Variants in MYO10 observed in about 807,000 individuals in gnomAD.
MYO10 encodes unconventional myosin-X.
A neutral mutation model predicts 257.3 loss-of-function variants in MYO10; 133 were observed. The ratio of observed to expected loss-of-function variants is 0.52; its 90% CI spans 0.45 to 0.60. The LOEUF (loss-of-function observed/expected upper bound fraction) is 0.60. Ranked by LOEUF, MYO10 falls within the 20% of genes least tolerant of loss-of-function variation. The probability of loss-of-function intolerance (pLI) is 0.00; values close to 1 mark genes in which losing one functional copy is unlikely to be tolerated. For synonymous variants in MYO10, 1,104 were observed against 1,028.6 expected (o/e 1.07, Z -1.40); for missense variants, 2,399 against 2,635.7 (o/e 0.91, Z 1.97).
intron 2 of MYO10, among the ~76,000 whole-genome samples, chr5:16,852,471 T>G (rs974525897): frequency 6.6e-6 from 1 of 152,008 alleles, no homozygotes; most frequent in Admixed American, 6.6e-5. Context: ...ATAAACAAAT[T>G]AACTGACCTT....
chr5:16,867,357 T>C (rs929286783), intron 2 of MYO10, among the ~76,000 whole-genome samples: 2 of 152,092 alleles, frequency 1.3e-5, no homozygotes, highest in African/African-American at 4.8e-5. Context: ...AAGATTTTTC[T>C]GGGAGACAGG....
intron 1 of MYO10, among the ~76,000 whole-genome samples, chr5:16,925,279 G>T (rs936191501): frequency 2.0e-5 from 3 of 152,110 alleles, no homozygotes; most frequent in Admixed American, 2.0e-4. Flanking sequence ...TGCAACAAAA[G>T]TAATAATTGA....
intron 4 of MYO10, among the ~76,000 whole-genome samples, chr5:16,785,729 G>C (rs1741559084): frequency 6.6e-6 from 1 of 152,088 alleles, no homozygotes; most frequent in African/African-American, 2.4e-5. Flanking sequence ...AATTAGCCGG[G>C]CGTGGTGGCG....
intron 21 of MYO10, among the ~76,000 whole-genome samples, chr5:16,708,932 A>G (rs1390342431): frequency 6.6e-6 from 1 of 152,156 alleles, no homozygotes; most frequent in African/African-American, 2.4e-5. Flanking sequence ...CACTTGAGCC[A>G]TTTTCTTCAG....
rs1349920049 is a variant in MYO10 at position 16,936,242 on chromosome 5, G to T, written c.-434C>A. On this transcript the variant is annotated 5_prime_UTR_variant, in exon 1 of 41. Transcript: ENST00000513610. The stretch of plus-strand genomic sequence containing the variant: ...GCGATCCCCGCGCGAGCGCTTGGAG[G>T]TGAGCAGTCCCGCGCCGCGGCTCAG... 5.6e-6 allele frequency: 1 copy of T among 178,698 alleles called. No homozygotes were observed. The highest frequency in any genetic ancestry group is 1.8e-4 in the East Asian group (1 of 5,474). The allele number at this position is 178,698 out of a possible 1,614,324, so 11.1% of individuals were successfully genotyped here.
intron 4 of MYO10, among the ~76,000 whole-genome samples, chr5:16,792,122 CACACACACACAGAGAGAGAG>C (rs1379544626): frequency 1.6e-5 from 2 of 121,808 alleles, no homozygotes; most frequent in African/African-American, 5.5e-5. Context: ...CACACACACA[CACACACACACAGAGAGAGAG>C]AGAGAGAGAG....
intron 21 of MYO10, among the ~76,000 whole-genome samples, chr5:16,709,538 G>A (rs1487182887): frequency 6.6e-6 from 1 of 152,184 alleles, no homozygotes; most frequent in East Asian, 1.9e-4. Flanking sequence ...GTGGTTCCCA[G>A]CCAACAACTA....
intron 2 of MYO10, among the ~76,000 whole-genome samples, chr5:16,820,292 G>A (rs1742759567): frequency 6.6e-6 from 1 of 152,144 alleles, no homozygotes; most frequent in Non-Finnish European, 1.5e-5. Context: ...CCCCTAGCAC[G>A]CCACATCCCC....
chr5:16,744,316 C>T (rs1485596548), intron 19 of MYO10, among the ~76,000 whole-genome samples: 4 of 152,124 alleles, frequency 2.6e-5, no homozygotes. Context: ...ACATAACCAC[C>T]CTCCCTCAGT....
chr5:16,768,294 C>CACT (rs1170052245), intron 10 of MYO10, among the ~76,000 whole-genome samples: 1 of 152,152 alleles, frequency 6.6e-6, no homozygotes, highest in Non-Finnish European at 1.5e-5. Flanking sequence ...ATCTCTGAGA[C>CACT]ACTGTACAGG....
At chr5:16,792,132 C>CACACAG (rs755315207) in intron 4 of MYO10, among the ~76,000 whole-genome samples, 171 of 75,380 alleles carry the variant, frequency 2.3e-3, no homozygotes, top group South Asian at 8.6e-3. Context: ...CACACACACA[C>CACACAG]AGAGAGAGAG....
chr5:16,842,926 G>GAAAAAAAAAAAAAAAAAAAAAAAAGA (rs36097603), intron 2 of MYO10, among the ~76,000 whole-genome samples: 1 of 125,472 alleles, frequency 8.0e-6, no homozygotes, highest in Non-Finnish European at 1.7e-5. Context: ...AAAGAAAAAG[G>GAAAAAAAAAAAAAAAAAAAAAAAAGA]AAAAAAAAAA....
intron 19 of MYO10, among the ~76,000 whole-genome samples, chr5:16,727,131 A>C (rs1004054088): frequency 1.3e-5 from 2 of 152,372 alleles, no homozygotes; most frequent in African/African-American, 4.8e-5. Context: ...TACATGTTGA[A>C]AGGATAACAT....
intron 3 of MYO10, among the ~76,000 whole-genome samples, chr5:16,814,244 C>T (rs1211739979): frequency 6.6e-6 from 1 of 152,188 alleles, no homozygotes; most frequent in Non-Finnish European, 1.5e-5. Context: ...CGGGTTCACG[C>T]CATTTTCCTG....
chr5:16,823,545 C>T (rs1237423596), intron 2 of MYO10, among the ~76,000 whole-genome samples: 1 of 131,782 alleles, frequency 7.6e-6, no homozygotes, highest in East Asian at 2.5e-4. Flanking sequence ...AATCTCGGCT[C>T]ACTGCAAACT....
In MYO10 at chr5:16,764,320, C is replaced by G; in HGVS notation, c.1256G>C (p.Ser419Thr). The G allele has an allele frequency of 6.2e-7, 1 of 1,613,990 alleles. No individual in the cohort carries two copies. Among genetic ancestry groups the G allele is most frequent in the Admixed American group, 1.7e-5 (1 of 60,012 alleles). ...GAAGTCCTCATTGCCTTTGATCCTG[C>G]TGTTGATCTTCTTGATTACCCACTC... ...CFEWVIKKIN[S>T]RIKGNEDFKS... The change falls in exon 12 of 41, where the codon AGC (serine) becomes ACC (threonine). Residue 419 changes from serine to threonine, a missense_variant. By Grantham distance (58) the Ser-to-Thr change is moderately conservative. Coordinates refer to ENST00000513610, the MANE Select transcript of MYO10 (RefSeq NM_012334.3).
intron 18 of MYO10, among the ~76,000 whole-genome samples, chr5:16,756,317 A>T (rs1187168558): frequency 1.3e-5 from 2 of 152,044 alleles, no homozygotes; most frequent in African/African-American, 2.4e-5. Context: ...CTTTCCACCT[A>T]GGCCTCCTAA....
intron 1 of MYO10, among the ~76,000 whole-genome samples, chr5:16,894,782 C>T (rs928963456): frequency 6.6e-6 from 1 of 152,100 alleles, no homozygotes; most frequent in African/African-American, 2.4e-5. Context: ...CTGGAGCCTG[C>T]GGTGTTGGAG....
At chr5:16,678,291 G>A (rs1736829305) in intron 33 of MYO10, among the ~76,000 whole-genome samples, 1 of 152,096 alleles carries the variant, frequency 6.6e-6, no homozygotes. Flanking sequence ...TGGGTGTGGT[G>A]GCTCAAGGCC....
Sources: allele counts gnomAD v4.1 joint callset (sites outside exome capture counted in the v4.1 genomes callset), GRCh38; gene constraint gnomAD v4.1.1; transcripts MANE v1.5; gene names NCBI Gene and HGNC (gene_info 2026-07-23, HGNC 2026-07-21).